The following LAMA2 variants were observed in gnomAD, a reference collection of about 807,000 sequenced individuals.
LAMA2 encodes the protein laminin subunit alpha-2.
LAMA2 carries 269 observed loss-of-function variants against 364.8 expected under a neutral mutation model. The ratio of observed to expected loss-of-function variants is 0.74; its 90% CI spans 0.67 to 0.82. The LOEUF (loss-of-function observed/expected upper bound fraction) is 0.82, where lower values mean the gene tolerates loss of function less well. LAMA2 is among the 40% of genes least tolerant of loss of function. The pLI is 0.00. For synonymous variants in LAMA2, 1,379 were observed against 1,370.6 expected (o/e 1.01, Z -0.14); for missense variants, 3,807 against 3,873.2 (o/e 0.98, Z 0.45).
intron 30 of LAMA2, 66 bp downstream of exon 30, chr6:129,342,533 C>G (rs751900576): frequency 6.6e-7 from 1 of 1,505,716 alleles, no homozygotes; most frequent in Non-Finnish European, 9.0e-7. Context: ...CATGGGCTGT[C>G]TATGATTTGG....
chr6:129,200,472 A>G (rs988344773), intron 12 of LAMA2, among the ~76,000 whole-genome samples: 3 of 150,938 alleles, frequency 2.0e-5, no homozygotes. Context: ...GTACACATAT[A>G]CATGTATATA....
intron 1 of LAMA2, among the ~76,000 whole-genome samples, chr6:128,903,559 T>A (rs1342724170): frequency 6.6e-6 from 1 of 152,186 alleles, no homozygotes; most frequent in Admixed American, 6.5e-5. Flanking sequence ...ATACAACTTA[T>A]GGATTATAAA....
At chr6:129,411,029 C>G (rs1350932238) in intron 40 of LAMA2, among the ~76,000 whole-genome samples, 1 of 152,116 alleles carries the variant, frequency 6.6e-6, no homozygotes, top group African/African-American at 2.4e-5. Context: ...CTATTCAGCC[C>G]TCAAGAGATT....
At chr6:129,342,607 C>G in intron 30 of LAMA2, 140 bp downstream of exon 30, 1 of 788,534 alleles carries the variant, frequency 1.3e-6, no homozygotes. Flanking sequence ...AATATAGAAA[C>G]ATGACAAAAG....
chr6:129,473,316 T>C lies in LAMA2; in HGVS notation c.7403T>C (p.Ile2468Thr), dbSNP rs965128987. ...CTTGACTTGAAAGCAGATGACAAAA[T>C]ATATTTTGGTGGCCTGCCAACGCTG... ...FGLDLKADDK[I>T]YFGGLPTLRN... Residue 2468 changes from isoleucine (I) to threonine (T), a missense_variant, in exon 52 of 65, where the codon ATA (isoleucine) becomes ACA (threonine). By Grantham distance (89) the Ile-to-Thr change is moderately conservative. Around this residue, in one of 3 missense-constraint regions of LAMA2, gnomAD observed 3,333 missense variants for 3,345.7 expected, o/e 1.00. Transcript: ENST00000421865. The C allele has an allele frequency of 1.2e-6, 2 of 1,612,502 alleles. No individual in the cohort carries two copies. The highest frequency in any genetic ancestry group is 2.7e-5 in the African/African-American group (2 of 74,832).
chr6:129,147,638 T>C lies in LAMA2; in HGVS notation c.909+590T>C, dbSNP rs908733881. On this transcript the variant is annotated intron_variant, in intron 6 of 64. Coordinates refer to ENST00000421865, the MANE Select transcript of LAMA2 (RefSeq NM_000426.4). Reference sequence around the variant, plus strand: ...AACATAACCTAAAGGAGAAGATGAATGAGCATCTATTTTTCCTGTCATAGA... The same window carrying C: ...AACATAACCTAAAGGAGAAGATGAACGAGCATCTATTTTTCCTGTCATAGA... Among the ~76,000 whole-genome samples the C allele has an allele frequency of 3.9e-5, 6 of 152,060 alleles. No individual in the cohort carries two copies. The South Asian group carries it at 1.2e-3, about 32-fold the overall frequency.
chr6:128,919,496 C>T (rs1177424576), intron 1 of LAMA2, among the ~76,000 whole-genome samples: 2 of 152,056 alleles, frequency 1.3e-5, no homozygotes, highest in African/African-American at 2.4e-5. Context: ...CCCTTTTTGT[C>T]GGTTCAAATG....
intron 3 of LAMA2, among the ~76,000 whole-genome samples, chr6:129,066,134 C>T (rs1272776112): frequency 7.1e-6 from 1 of 141,082 alleles, no homozygotes; most frequent in African/African-American, 2.6e-5. Context: ...CAAGCTCCGC[C>T]TCCCGGGTTC....
chr6:129,021,662 G>T (rs1397608161), intron 1 of LAMA2, among the ~76,000 whole-genome samples: 3 of 152,170 alleles, frequency 2.0e-5, no homozygotes, highest in Non-Finnish European at 4.4e-5. Flanking sequence ...AAGAAGAGGT[G>T]CTATTATCCC....
intron 3 of LAMA2, among the ~76,000 whole-genome samples, chr6:129,087,964 G>A (rs7450882): frequency 0.86 from 121,869 of 142,188 alleles, 54,417 homozygotes; most frequent in East Asian, 0.97. Flanking sequence ...GCAGGGTCAC[G>A]GGACAATAGT....
intron 1 of LAMA2, among the ~76,000 whole-genome samples, chr6:129,019,551 ATAT>A (rs1785282384): frequency 6.6e-6 from 1 of 151,738 alleles, no homozygotes; most frequent in Non-Finnish European, 1.5e-5. Flanking sequence ...TCCCTTTTTA[ATAT>A]TATTCTATTT....
At chr6:129,116,304 C>T (rs564575260) in intron 4 of LAMA2, among the ~76,000 whole-genome samples, 22 of 152,170 alleles carry the variant, frequency 1.4e-4, no homozygotes, top group African/African-American at 3.9e-4. Flanking sequence ...CAATGTTGTT[C>T]GAAAGTTGTT....
rs1788017986 is a variant in LAMA2, at chr6:129,051,549, T to A, written c.283+1461T>A. 2.3e-4 allele frequency among the ~76,000 whole-genome samples: 3 copies of A among 13,242 alleles called. No homozygotes were observed. The South Asian group carries it at 3.9e-3, about 17-fold the overall frequency. 8.7% of individuals were successfully genotyped at this position (13,242 alleles called of 152,430 possible). On this transcript the variant is annotated intron_variant, in intron 2 of 64. Coordinates refer to ENST00000421865, the MANE Select transcript of LAMA2 (RefSeq NM_000426.4). ...CTGGTCTCAAACTCCTGACCTCAAG[T>A]GATCACCCGCTTCAGCCTCCCAATA... is the stretch of plus-strand genomic sequence containing the variant.
At chr6:129,133,054 G>A (rs1044879573) in intron 4 of LAMA2, among the ~76,000 whole-genome samples, 1 of 151,946 alleles carries the variant, frequency 6.6e-6, no homozygotes, top group African/African-American at 2.4e-5. Flanking sequence ...AGGCACATGG[G>A]GATAGACAAT....
chr6:129,024,407 A>G (rs1208190063), intron 1 of LAMA2, among the ~76,000 whole-genome samples: 1 of 129,986 alleles, frequency 7.7e-6, no homozygotes, highest in Non-Finnish European at 1.6e-5. Context: ...TTTTTTTGAG[A>G]CAGTCTCAGT....
intron 1 of LAMA2, among the ~76,000 whole-genome samples, chr6:129,034,139 A>G (rs1404000847): frequency 7.9e-5 from 12 of 152,092 alleles, no homozygotes; most frequent in Non-Finnish European, 1.5e-4. Flanking sequence ...GGGAAAATAG[A>G]CTTGAAGTTA....
intron 34 of LAMA2, among the ~76,000 whole-genome samples, chr6:129,375,639 C>T (rs1778328794): frequency 6.6e-6 from 1 of 152,318 alleles, no homozygotes; most frequent in East Asian, 1.9e-4. Flanking sequence ...TTCCTCTCAT[C>T]ATCCCTTCAA....
chr6:129,319,976 T>C (rs899106189), intron 27 of LAMA2, among the ~76,000 whole-genome samples: 1 of 151,866 alleles, frequency 6.6e-6, no homozygotes, highest in Non-Finnish European at 1.5e-5. Flanking sequence ...CTACTAAAAA[T>C]ACAATAATTA....
At chr6:129,496,709 A>G (rs1408575313) in intron 58 of LAMA2, among the ~76,000 whole-genome samples, 1 of 152,176 alleles carries the variant, frequency 6.6e-6, no homozygotes, top group Non-Finnish European at 1.5e-5. Context: ...TGTAACAAAT[A>G]TTTATTAAGC....
Sources: allele counts gnomAD v4.1 joint callset (sites outside exome capture counted in the v4.1 genomes callset), GRCh38; gene constraint gnomAD v4.1.1; regional missense constraint gnomAD v4.1.1; transcripts MANE v1.5; gene names NCBI Gene and HGNC (gene_info 2026-07-23, HGNC 2026-07-21).